Variants in HYAL4 observed in about 807,000 individuals in gnomAD.
HYAL4 encodes the protein hyaluronidase-4.
A neutral mutation model predicts 35.2 loss-of-function variants in HYAL4; 37 were observed. The observed-to-expected ratio is 1.05, with a 90% CI of 0.81 to 1.38. The LOEUF (loss-of-function observed/expected upper bound fraction) is 1.38. HYAL4 is among the 40% of genes most tolerant of loss of function. HYAL4 has a pLI of 0.00. For synonymous variants in HYAL4, 198 were observed against 203.2 expected (o/e 0.97, Z 0.22); for missense variants, 572 against 572.4 (o/e 1.00, Z 0.01).
intron 1 of HYAL4, among the ~76,000 whole-genome samples, chr7:123,832,076 G>A (rs1026753845): frequency 4.6e-5 from 7 of 151,862 alleles, no homozygotes; most frequent in African/African-American, 7.3e-5. Context: ...TTACTTAAAT[G>A]TCTTGGGGTC....
At chr7:123,822,156 G>A in the HYAL4 span, among the ~76,000 whole-genome samples, 2 of 152,028 alleles carry the variant, frequency 1.3e-5, no homozygotes, top group African/African-American at 2.4e-5. Context: ...ATAAAGTTTA[G>A]TTTTTTGTTT....
intron 1 of HYAL4, among the ~76,000 whole-genome samples, chr7:123,829,837 A>T (rs527466508): frequency 3.3e-5 from 5 of 152,258 alleles, no homozygotes; most frequent in Admixed American, 1.3e-4. Context: ...TCTCAAAAAA[A>T]TTTTTTTAAA....
chr7:123,780,925 A>G, the HYAL4 span, among the ~76,000 whole-genome samples: 5 of 97,852 alleles, frequency 5.1e-5, no homozygotes, highest in African/African-American at 2.3e-4. Context: ...GGGACACAAA[A>G]ACTGCGGAAG....
intron 3 of HYAL4, among the ~76,000 whole-genome samples, chr7:123,872,248 A>C (rs1806902207): frequency 6.6e-6 from 1 of 152,176 alleles, no homozygotes; most frequent in Non-Finnish European, 1.5e-5. Context: ...TATCAGTAAA[A>C]ACGTGATATT....
At chr7:123,798,204 C>G in the HYAL4 span, among the ~76,000 whole-genome samples, 80 of 152,330 alleles carry the variant, frequency 5.3e-4, no homozygotes, top group African/African-American at 1.8e-3. Flanking sequence ...TTGCAACACA[C>G]TCAGATGTTT....
chr7:123,815,398 C>T, the HYAL4 span, among the ~76,000 whole-genome samples: 118 of 152,222 alleles, frequency 7.8e-4, no homozygotes, highest in Non-Finnish European at 7.4e-4. Flanking sequence ...AAATCAAAAA[C>T]GTGCAACATA....
chr7:123,872,580 A>C (rs1806912730), intron 3 of HYAL4, among the ~76,000 whole-genome samples: 2 of 152,210 alleles, frequency 1.3e-5, no homozygotes, highest in African/African-American at 4.8e-5. Flanking sequence ...GTGTAGGTGC[A>C]AAGCACCCTG....
At chr7:123,875,321 A>G (rs1291262054) in intron 4 of HYAL4, among the ~76,000 whole-genome samples, 1 of 152,182 alleles carries the variant, frequency 6.6e-6, no homozygotes, top group African/African-American at 2.4e-5. Flanking sequence ...CTCCACAATG[A>G]AGTTACTTTT....
the HYAL4 span, among the ~76,000 whole-genome samples, chr7:123,780,213 G>A: frequency 4.7e-4 from 71 of 152,306 alleles, no homozygotes; most frequent in Middle Eastern, 3.4e-3. Context: ...TAAATAAGCT[G>A]CCTAAATATA....
At chr7:123,842,940 G>A (rs1423827764), upstream of HYAL4, among the ~76,000 whole-genome samples, 1 of 151,932 alleles carries the variant, frequency 6.6e-6, no homozygotes, top group African/African-American at 2.4e-5. Flanking sequence ...GATGGGTCTT[G>A]ACTATTTATC....
In HYAL4 at chr7:123,869,223, CT is replaced by C; in HGVS notation, c.951del (p.Lys318SerfsTer4). 6.3e-7 allele frequency: 1 copy of C among 1,583,058 alleles called. No homozygotes were observed. Among genetic ancestry groups the C allele is most frequent in the Non-Finnish European group, 8.6e-7 (1 of 1,162,894 alleles). On this transcript the variant is annotated frameshift_variant, in exon 3 of 5. Coordinates refer to ENST00000223026, the MANE Select transcript of HYAL4 (RefSeq NM_012269.3). LOFTEE classifies it high-confidence loss of function. ...GYRDEPLFFL[S>X]KQDLVSTIGE... The stretch of plus-strand genomic sequence containing the variant: ...AGAGATGAACCTTTATTTTTCCTTT[CT>C]AAGGTAAGAAGCTTCTTGTCCAATG...
the HYAL4 span, among the ~76,000 whole-genome samples, chr7:123,773,297 T>C: frequency 2.0e-5 from 3 of 152,202 alleles, no homozygotes; most frequent in South Asian, 2.1e-4. Flanking sequence ...ATTTGACCTA[T>C]TTCTACATTT....
the HYAL4 span, among the ~76,000 whole-genome samples, chr7:123,802,295 T>C: frequency 0.25 from 38,100 of 152,162 alleles, 5,140 homozygotes; most frequent in Middle Eastern, 0.34. Flanking sequence ...CTCACCATAG[T>C]CCCCTCTACT....
chr7:123,845,202 CTTTTTTTTTTTT>C lies in HYAL4; in HGVS notation c.-592_-581del, dbSNP rs770541919. On this transcript the variant is annotated 5_prime_UTR_variant, in exon 1 of 5. Coordinates refer to ENST00000223026, the MANE Select transcript of HYAL4 (RefSeq NM_012269.3). ...TTATTTATGCTATCTATTTCTTTTC[CTTTTTTTTTTTT>C]TTTTTTTTTTTTGAGATGAAGTCTT... The C allele has an allele frequency of 4.0e-4, 31 of 76,882 alleles. 1 individual carries two copies. Among genetic ancestry groups the C allele is most frequent in the African/African-American group, 1.6e-3 (27 of 16,750 alleles). 4.8% of individuals were successfully genotyped at this position (76,882 alleles called of 1,614,324 possible).
At chr7:123,834,237 G>A (rs181649039) in intron 1 of HYAL4, among the ~76,000 whole-genome samples, 5 of 152,086 alleles carry the variant, frequency 3.3e-5, no homozygotes, top group African/African-American at 1.2e-4. Flanking sequence ...GTTTCTTTTT[G>A]TTTGTGGCAT....
the HYAL4 span, among the ~76,000 whole-genome samples, chr7:123,812,548 T>G: frequency 6.6e-6 from 1 of 152,150 alleles, no homozygotes; most frequent in African/African-American, 2.4e-5. Flanking sequence ...GAAAACATAA[T>G]GAAAATCTCC....
chr7:123,841,967 G>T (rs550647658), upstream of HYAL4, among the ~76,000 whole-genome samples: 3 of 151,882 alleles, frequency 2.0e-5, no homozygotes, highest in South Asian at 6.2e-4. Flanking sequence ...TGATTTTTTT[G>T]AAGGATTTTT....
the HYAL4 span, among the ~76,000 whole-genome samples, chr7:123,777,386 A>T: frequency 6.6e-6 from 1 of 152,170 alleles, no homozygotes; most frequent in South Asian, 2.1e-4. Flanking sequence ...CATATAACTA[A>T]AATTATTCAT....
At chr7:123,809,714 C>T in the HYAL4 span, among the ~76,000 whole-genome samples, 1 of 152,074 alleles carries the variant, frequency 6.6e-6, no homozygotes, top group Non-Finnish European at 1.5e-5. Flanking sequence ...AACATTCTTT[C>T]TTGCATTAAG....
Sources: gnomAD v4.1 joint callset for allele counts (sites outside exome capture counted in the v4.1 genomes callset) on GRCh38, gnomAD v4.1.1 for gene constraint, MANE v1.5 for transcripts, NCBI Gene and HGNC (gene_info 2026-07-23, HGNC 2026-07-21) for gene names.